Variants in MGAT4C observed in about 807,000 individuals in gnomAD.
The protein encoded by MGAT4C is MGAT4 family member C.
Under a neutral mutation model 40.1 loss-of-function variants are expected in MGAT4C, and 19 were observed. That is an observed-to-expected ratio of 0.47 (90% CI 0.33 to 0.70). The LOEUF is 0.70. Among genes scored for constraint, MGAT4C ranks in the 30% least tolerant of loss-of-function variants. The probability of loss-of-function intolerance (pLI) is 0.02; values close to 1 mark genes in which losing one functional copy is unlikely to be tolerated. For missense variants in MGAT4C, 491 were observed against 563.2 expected, an observed-to-expected ratio of 0.87 and a Z score of 1.30; for synonymous variants, 181 against 187.1, an observed-to-expected ratio of 0.97 and a Z score of 0.27.
intron 2 of MGAT4C, among the ~76,000 whole-genome samples, chr12:86,517,042 G>C (rs909448077): frequency 1.3e-5 from 2 of 152,108 alleles, no homozygotes; most frequent in African/African-American, 4.8e-5. Context: ...AGATGCACAA[G>C]TGTTAGCAAG....
intron 4 of MGAT4C, among the ~76,000 whole-genome samples, chr12:85,982,831 T>C (rs1884762745): frequency 6.6e-6 from 1 of 152,128 alleles, no homozygotes. Context: ...GGACCATAAA[T>C]TCAATAACTT....
chr12:86,487,324 G>A (rs1958036583), intron 2 of MGAT4C, among the ~76,000 whole-genome samples: 1 of 152,116 alleles, frequency 6.6e-6, no homozygotes, highest in Admixed American at 6.6e-5. Flanking sequence ...TTCTTTCCTT[G>A]AATGTATCCA....
At chr12:86,385,957 G>C (rs977908419) in intron 3 of MGAT4C, among the ~76,000 whole-genome samples, 2 of 151,988 alleles carry the variant, frequency 1.3e-5, no homozygotes, top group African/African-American at 2.4e-5. Flanking sequence ...TTGAGACGGA[G>C]TCTCGCTCTG....
At chr12:85,999,581 GTGTA>G (rs1379612342) in intron 2 of MGAT4C, among the ~76,000 whole-genome samples, 2 of 116,784 alleles carry the variant, frequency 1.7e-5, no homozygotes, top group Admixed American at 9.5e-5. Flanking sequence ...GTGTGTGTGT[GTGTA>G]TATATATATA....
intron 4 of MGAT4C, among the ~76,000 whole-genome samples, chr12:86,263,358 A>G (rs1952702789): frequency 6.6e-6 from 1 of 152,026 alleles, no homozygotes; most frequent in Non-Finnish European, 1.5e-5. Context: ...AGTCACTATT[A>G]TCTATCATTA....
chr12:86,519,106 G>A (rs1055877649), intron 2 of MGAT4C, among the ~76,000 whole-genome samples: 1 of 152,134 alleles, frequency 6.6e-6, no homozygotes, highest in Non-Finnish European at 1.5e-5. Flanking sequence ...AAATTTTTAT[G>A]ACTAGATTGT....
intron 2 of MGAT4C, among the ~76,000 whole-genome samples, chr12:86,000,665 T>C (rs1480286939): frequency 1.3e-5 from 2 of 152,180 alleles, no homozygotes; most frequent in Admixed American, 6.5e-5. Context: ...ATTTTCCAGA[T>C]CTAATAAAGC....
chr12:86,130,234 A>T (rs991312215), intron 1 of MGAT4C, among the ~76,000 whole-genome samples: 1 of 151,986 alleles, frequency 6.6e-6, no homozygotes, highest in Non-Finnish European at 1.5e-5. Context: ...CATTTCTTTG[A>T]CAATGTTGGT....
chr12:86,589,487 G>A (rs1961226754), intron 2 of MGAT4C, among the ~76,000 whole-genome samples: 1 of 151,924 alleles, frequency 6.6e-6, no homozygotes, highest in African/African-American at 2.4e-5. Context: ...AGGAGGAACT[G>A]GTACCATTCC....
At chr12:86,694,155 GCT>G (rs1414876787) in intron 2 of MGAT4C, among the ~76,000 whole-genome samples, 8 of 152,076 alleles carry the variant, frequency 5.3e-5, no homozygotes, top group Non-Finnish European at 8.8e-5. Context: ...TGTCTTTCCA[GCT>G]CTTTCTTAGT....
intron 2 of MGAT4C, among the ~76,000 whole-genome samples, chr12:86,588,984 T>C (rs1961196168): frequency 1.3e-5 from 2 of 149,874 alleles, no homozygotes; most frequent in South Asian, 4.3e-4. Context: ...AACGTCACAA[T>C]TAAAAGAACT....
At chr12:86,809,845 C>T (rs909791207) in intron 1 of MGAT4C, among the ~76,000 whole-genome samples, 7 of 151,940 alleles carry the variant, frequency 4.6e-5, no homozygotes, top group African/African-American at 1.4e-4. Flanking sequence ...AGATCTTTGG[C>T]AGAGCCCATA....
chr12:86,432,381 T>C (rs180873233), intron 3 of MGAT4C, among the ~76,000 whole-genome samples: 20 of 152,102 alleles, frequency 1.3e-4, no homozygotes, highest in Non-Finnish European at 2.2e-4. Flanking sequence ...CAGCCAAATA[T>C]TGGTAGAGAT....
intron 2 of MGAT4C, among the ~76,000 whole-genome samples, chr12:86,017,164 C>A (rs992232299): frequency 6.6e-6 from 1 of 151,986 alleles, no homozygotes; most frequent in African/African-American, 2.4e-5. Context: ...GAGTACTCAG[C>A]GGAGTGTTTA....
chr12:86,603,722 T>G (rs1261804307), intron 2 of MGAT4C, among the ~76,000 whole-genome samples: 8 of 133,196 alleles, frequency 6.0e-5, no homozygotes, highest in Non-Finnish European at 1.1e-4. Flanking sequence ...ATAGACTATA[T>G]ACTATATAAT....
chr12:86,217,622 C>G (rs934998975), intron 1 of MGAT4C, among the ~76,000 whole-genome samples: 16 of 152,260 alleles, frequency 1.1e-4, no homozygotes, highest in African/African-American at 3.6e-4. Flanking sequence ...TTGCTTCCCA[C>G]TGTTCACTGG....
intron 2 of MGAT4C, among the ~76,000 whole-genome samples, chr12:86,578,113 T>C (rs966795178): frequency 2.6e-5 from 4 of 151,658 alleles, no homozygotes; most frequent in Non-Finnish European, 4.4e-5. Context: ...ATGGCAAGAA[T>C]AGGATGAGGA....
chr12:86,002,841 C>G (rs1342701149), intron 2 of MGAT4C, among the ~76,000 whole-genome samples: 1 of 152,072 alleles, frequency 6.6e-6, no homozygotes, highest in Non-Finnish European at 1.5e-5. Flanking sequence ...CACGCTGTCA[C>G]TCAGGCTGGA....
intron 1 of MGAT4C, among the ~76,000 whole-genome samples, chr12:86,081,929 A>C (rs983769139): frequency 6.6e-6 from 1 of 152,166 alleles, no homozygotes; most frequent in African/African-American, 2.4e-5. Flanking sequence ...AAACATCTAC[A>C]TTATAAAGCC....
Sources: allele counts gnomAD v4.1 joint callset (sites outside exome capture counted in the v4.1 genomes callset), GRCh38; gene constraint gnomAD v4.1.1; transcripts MANE v1.5; gene names NCBI Gene and HGNC (gene_info 2026-07-23, HGNC 2026-07-21).